The following SFXN1 variants were observed in gnomAD, a reference collection of about 807,000 sequenced individuals.
SFXN1 encodes the protein sideroflexin 1, also known as sideroflexin-1.
A neutral mutation model predicts 39.5 loss-of-function variants in SFXN1; 32 were observed. The observed-to-expected ratio is 0.81, with a 90% CI of 0.61 to 1.09. The LOEUF is 1.09. Ranked by LOEUF, SFXN1 falls within the 50% of genes least tolerant of loss-of-function variation. The pLI, the probability that SFXN1 is intolerant of heterozygous loss-of-function variation, is 0.00. For missense variants in SFXN1, 402 were observed against 407.1 expected, an observed-to-expected ratio of 0.99 and a Z score of 0.11; for synonymous variants, 136 against 146.5, an observed-to-expected ratio of 0.93 and a Z score of 0.52.
chr5:175,522,101 C>G lies in SFXN1; in HGVS notation c.824+133C>G, dbSNP rs998521100. On this transcript the variant is annotated intron_variant, in intron 9 of 10. Coordinates refer to ENST00000321442, the MANE Select transcript of SFXN1 (RefSeq NM_022754.7). ...CTCAGAACATCTGGAATGCATGGCC[C>G]CAAATAATTAAATAGAAGTAAACTG... 1.4e-5 allele frequency: 10 copies of G among 705,566 alleles called. No individual in the cohort carries two copies. The Admixed American group carries it at 2.3e-4, about 16-fold the overall frequency. 43.7% of individuals were successfully genotyped at this position (705,566 alleles called of 1,614,324 possible).
At chr5:175,478,978 C>T (rs1581252466) in intron 1 of SFXN1, among the ~76,000 whole-genome samples, 2 of 152,208 alleles carry the variant, frequency 1.3e-5, no homozygotes, top group East Asian at 1.9e-4. Flanking sequence ...GCGTGGCGAA[C>T]TCGCTCCGGG....
intron 10 of SFXN1, chr5:175,522,626 C>T: frequency 4.2e-6 from 2 of 479,160 alleles, no homozygotes; most frequent in Non-Finnish European, 7.3e-6. Flanking sequence ...CTTTTCTACC[C>T]CCTTCCATTA....
At chr5:175,481,724 G>A (rs1228917494) in intron 1 of SFXN1, among the ~76,000 whole-genome samples, 2 of 152,198 alleles carry the variant, frequency 1.3e-5, no homozygotes, top group African/African-American at 2.4e-5. Flanking sequence ...TGCTAGGCAG[G>A]CCCAACGTCT....
At chr5:175,500,289 A>G (rs1760023157) in intron 2 of SFXN1, among the ~76,000 whole-genome samples, 1 of 151,970 alleles carries the variant, frequency 6.6e-6, no homozygotes, top group South Asian at 2.1e-4. Flanking sequence ...CCTATCTAGT[A>G]GCAATTAACA....
chr5:175,489,097 TAGC>T (rs1165420859), intron 1 of SFXN1, among the ~76,000 whole-genome samples: 3 of 137,402 alleles, frequency 2.2e-5, no homozygotes, highest in Non-Finnish European at 3.1e-5. Context: ...ATATTAAAGA[TAGC>T]AGCCTTTTTT....
chr5:175,481,192 A>AT (rs768840797), intron 1 of SFXN1, among the ~76,000 whole-genome samples: 101 of 151,934 alleles, frequency 6.6e-4, no homozygotes, highest in Non-Finnish European at 8.5e-4. Flanking sequence ...AAATCAGAAG[A>AT]TTTTTTTTTA....
chr5:175,507,664 AT>A (rs1277148116), intron 2 of SFXN1, among the ~76,000 whole-genome samples: 3 of 151,794 alleles, frequency 2.0e-5, no homozygotes, highest in Admixed American at 2.0e-4. Context: ...GAGGCACCTA[AT>A]TTTTTTTTCA....
At position 175,508,525 on chromosome 5, in the gene SFXN1, G is replaced by A. The variant is rs548372711; in HGVS notation, c.165-507G>A. Among the ~76,000 whole-genome samples the A allele has an allele frequency of 8.6e-5, 13 of 150,464 alleles. No individual in the cohort carries two copies. In the East Asian group the frequency reaches 1.4e-3, roughly 16 times the overall value. ...GCTGAGATTACAGGCATAAGCCACC[G>A]CGCCCAGCCTGAAATGTTCATTTTA... On this transcript the variant is annotated intron_variant, in intron 2 of 10. Coordinates refer to ENST00000321442, the MANE Select transcript of SFXN1 (RefSeq NM_022754.7).
chr5:175,480,269 C>T (rs974013161), intron 1 of SFXN1, among the ~76,000 whole-genome samples: 3 of 152,082 alleles, frequency 2.0e-5, no homozygotes, highest in South Asian at 4.1e-4. Context: ...GGCGTGGTTG[C>T]GGGCGCCTGT....
intron 2 of SFXN1, among the ~76,000 whole-genome samples, chr5:175,499,018 G>C: frequency 6.6e-6 from 1 of 152,204 alleles, no homozygotes; most frequent in East Asian, 1.9e-4. Context: ...ACTTTGGGAG[G>C]CTGAGGCGGG....
intron 2 of SFXN1, among the ~76,000 whole-genome samples, chr5:175,495,796 C>T (rs66797059): frequency 6.7e-6 from 1 of 149,554 alleles, no homozygotes; most frequent in Non-Finnish European, 1.5e-5. Flanking sequence ...AAAAAAGAAA[C>T]ATATAAGAAA....
chr5:175,492,443 C>T (rs539447778), intron 2 of SFXN1, 176 bp downstream of exon 2: 29 of 572,332 alleles, frequency 5.1e-5, no homozygotes, highest in South Asian at 2.7e-4. Context: ...CCCCATTGCT[C>T]GCCCTTAACA....
chr5:175,507,782 G>A (rs897575288), intron 2 of SFXN1, among the ~76,000 whole-genome samples: 1 of 152,104 alleles, frequency 6.6e-6, no homozygotes, highest in African/African-American at 2.4e-5. Context: ...ACCAGCCTGG[G>A]CAACATGGTG....
intron 2 of SFXN1, among the ~76,000 whole-genome samples, chr5:175,493,542 C>T (rs968081139): frequency 2.0e-5 from 3 of 152,144 alleles, no homozygotes; most frequent in Non-Finnish European, 4.4e-5. Flanking sequence ...AGCAGATAAA[C>T]GAACAGCAGA....
In SFXN1 at chr5:175,492,224, A is replaced by C; in HGVS notation, c.121A>C (p.Asn41His). 1 of 1,613,722 alleles carries C rather than the reference A, an allele frequency of 6.2e-7. No individual in the cohort carries two copies. Among genetic ancestry groups the C allele is most frequent in the Non-Finnish European group, 8.5e-7 (1 of 1,179,934 alleles). Residue 41 changes from asparagine (N) to histidine (H), a missense_variant, in exon 2 of 11, where the codon AAC becomes CAC. Physicochemically the swap from Asn to His is moderately conservative, Grantham distance 68 (BLOSUM62 1). Coordinates refer to ENST00000321442, the MANE Select transcript of SFXN1 (RefSeq NM_022754.7). ...VTDPRNILLT[N>H]EQLESARKIV... ...TGACCCCAGGAACATTCTGTTAACCAACGAACAACTCGAGAGTGCGAGAAA... is the reference window on the plus strand; with the variant it reads ...TGACCCCAGGAACATTCTGTTAACCCACGAACAACTCGAGAGTGCGAGAAA...
At chr5:175,493,537 A>G (rs1238824598) in intron 2 of SFXN1, among the ~76,000 whole-genome samples, 2 of 152,238 alleles carry the variant, frequency 1.3e-5, no homozygotes, top group Non-Finnish European at 2.9e-5. Flanking sequence ...CAAACAGCAG[A>G]TAAACGAACA....
At chr5:175,522,016 T>C in intron 9 of SFXN1, 48 bp downstream of exon 9, 1 of 1,480,148 alleles carries the variant, frequency 6.8e-7, no homozygotes, top group Non-Finnish European at 9.3e-7. Context: ...AAAATATAAA[T>C]ACACAGCGTA....
intron 8 of SFXN1, among the ~76,000 whole-genome samples, chr5:175,519,220 A>G (rs557338743): frequency 1.3e-5 from 2 of 152,326 alleles, no homozygotes; most frequent in Admixed American, 1.3e-4. Context: ...TGGTGAGGAA[A>G]TGGAAGAACT....
intron 2 of SFXN1, chr5:175,492,487 G>A: frequency 4.9e-6 from 2 of 406,264 alleles, no homozygotes; most frequent in South Asian, 4.4e-5. Flanking sequence ...CCTGACAATG[G>A]GAGTCATCCC....
Sources: gnomAD v4.1 joint callset for allele counts (sites outside exome capture counted in the v4.1 genomes callset) on GRCh38, gnomAD v4.1.1 for gene constraint, MANE v1.5 for transcripts, NCBI Gene and HGNC (gene_info 2026-07-23, HGNC 2026-07-21) for gene names.